RIN3: variants seen among roughly 807,000 people sequenced by gnomAD.
The protein encoded by RIN3 is Ras and Rab interactor 3.
Under a neutral mutation model 76.3 loss-of-function variants are expected in RIN3, and 54 were observed. The observed-to-expected ratio is 0.71, with a 90% CI of 0.57 to 0.89. The LOEUF (loss-of-function observed/expected upper bound fraction) is 0.89. Ranked by LOEUF, RIN3 falls within the 40% of genes least tolerant of loss-of-function variation. The pLI is 0.00. For missense variants in RIN3, 1,256 were observed against 1,322.1 expected (o/e 0.95, Z 0.78); for synonymous variants, 576 against 564.0 (o/e 1.02, Z -0.30).
rs1241184106 is a variant in RIN3, at chr14:92,514,459, G to C, written c.44+483G>C. ...CGTGGGGTCGGAGACCCGGACCCCCGCAACTTTGGGTGCCCGCGGCCCAAC... is the reference window on the plus strand; with the variant it reads ...CGTGGGGTCGGAGACCCGGACCCCCCCAACTTTGGGTGCCCGCGGCCCAAC... On this transcript the variant is annotated intron_variant, in intron 1 of 9. Transcript: ENST00000216487. This position sits in a 1 kb window ranked among gnomAD's most constrained non-coding sequence, Gnocchi z 7.2. 6.6e-6 allele frequency among the ~76,000 whole-genome samples: 1 copy of C among 152,222 alleles called. No homozygotes were observed. Among genetic ancestry groups the C allele is most frequent in the African/African-American group, 2.4e-5 (1 of 41,470 alleles).
At chr14:92,562,170 CT>C (rs1205194733) in intron 2 of RIN3, among the ~76,000 whole-genome samples, 1 of 152,208 alleles carries the variant, frequency 6.6e-6, no homozygotes, top group African/African-American at 2.4e-5. Context: ...TAGGACTTGT[CT>C]GATGGTTAGA....
chr14:92,596,453 C>T (rs75050774), intron 3 of RIN3, among the ~76,000 whole-genome samples: 3,940 of 152,264 alleles, frequency 0.026, 138 homozygotes, highest in African/African-American at 0.078. Context: ...GTAGATGCCA[C>T]GTGCAAGCTC....
At chr14:92,591,573 GA>G (rs1306701021) in intron 3 of RIN3, among the ~76,000 whole-genome samples, 5 of 151,932 alleles carry the variant, frequency 3.3e-5, no homozygotes, top group East Asian at 1.9e-4. Context: ...AAAAAGTCTT[GA>G]AAAAAAGCCA....
chr14:92,667,079 C>G (rs1283883787), intron 7 of RIN3, among the ~76,000 whole-genome samples: 1 of 152,014 alleles, frequency 6.6e-6, no homozygotes, highest in Non-Finnish European at 1.5e-5. Flanking sequence ...CAGGCAGGGG[C>G]AGCCGCAGAG....
At chr14:92,560,075 A>G (rs1217115778) in intron 2 of RIN3, among the ~76,000 whole-genome samples, 1 of 152,164 alleles carries the variant, frequency 6.6e-6, no homozygotes, top group Non-Finnish European at 1.5e-5. Flanking sequence ...GGCTTAGTTC[A>G]TTTTCAAGGT....
At chr14:92,666,017 A>G (rs1266001903) in intron 7 of RIN3, among the ~76,000 whole-genome samples, 2 of 147,452 alleles carry the variant, frequency 1.4e-5, no homozygotes, top group South Asian at 2.1e-4. Flanking sequence ...AGAGAGGCAG[A>G]CTCCAGCCCG....
chr14:92,522,155 C>T (rs927564456), intron 1 of RIN3, among the ~76,000 whole-genome samples: 6 of 152,078 alleles, frequency 3.9e-5, no homozygotes, highest in Non-Finnish European at 7.4e-5. Flanking sequence ...TTCTTCCGGG[C>T]AAGACACTGA....
chr14:92,597,335 C>G (rs1885185154), intron 3 of RIN3, among the ~76,000 whole-genome samples: 1 of 152,142 alleles, frequency 6.6e-6, no homozygotes, highest in Non-Finnish European at 1.5e-5. Context: ...CATGGGATGA[C>G]CTTTGAAATC....
At chr14:92,668,251 C>G (rs1888177509) in intron 7 of RIN3, among the ~76,000 whole-genome samples, 1 of 152,208 alleles carries the variant, frequency 6.6e-6, no homozygotes, top group South Asian at 2.1e-4. Flanking sequence ...TGCTGAAACC[C>G]AGGGCCCTCT....
chr14:92,660,340 T>C (rs1259107135), intron 7 of RIN3, among the ~76,000 whole-genome samples: 2 of 152,116 alleles, frequency 1.3e-5, no homozygotes, highest in Non-Finnish European at 2.9e-5. Context: ...GGTTGGCTGT[T>C]GGCTGCTCTG....
chr14:92,580,281 A>C (rs1056796274), intron 3 of RIN3, among the ~76,000 whole-genome samples: 28 of 152,222 alleles, frequency 1.8e-4, no homozygotes, highest in African/African-American at 6.0e-4. Context: ...AGGCAGAATT[A>C]CTTGAACCTG....
At chr14:92,596,927 C>T (rs911738569) in intron 3 of RIN3, among the ~76,000 whole-genome samples, 8 of 152,202 alleles carry the variant, frequency 5.3e-5, no homozygotes, top group African/African-American at 1.9e-4. Flanking sequence ...AATCTCTTCC[C>T]AACTTGGTGG....
At chr14:92,534,409 G>A (rs1345001434) in intron 1 of RIN3, among the ~76,000 whole-genome samples, 16 of 151,608 alleles carry the variant, frequency 1.1e-4, no homozygotes, top group East Asian at 3.9e-4. Context: ...GTGAAACCCC[G>A]TCTCTACTAA....
chr14:92,653,601 C>G (rs893468541), intron 6 of RIN3, among the ~76,000 whole-genome samples: 6 of 152,204 alleles, frequency 3.9e-5, no homozygotes, highest in African/African-American at 1.4e-4. Context: ...TCTGACCACC[C>G]CTTCTAAAGT....
chr14:92,597,462 G>T (rs572360020), intron 3 of RIN3, among the ~76,000 whole-genome samples: 1 of 152,198 alleles, frequency 6.6e-6, no homozygotes, highest in Non-Finnish European at 1.5e-5. Context: ...AACGCCAGTG[G>T]CAGTGGCTGT....
chr14:92,605,315 C>T (rs1458132215), intron 3 of RIN3, among the ~76,000 whole-genome samples: 1 of 152,174 alleles, frequency 6.6e-6, no homozygotes, highest in Admixed American at 6.6e-5. Flanking sequence ...TGACCAAGCC[C>T]TTCAAATGGG....
Position 92,643,058 on chromosome 14 carries a change from ACT to A in RIN3, c.532+1732_532+1733del, listed in dbSNP as rs1887075723. Reference sequence around the variant, plus strand: ...TGCCATCGTCTCATGGTGCCTCTTAACTCTTTTTTTTTTGAGATGGAGTCTCA... The same window carrying A: ...TGCCATCGTCTCATGGTGCCTCTTAACTTTTTTTTTTGAGATGGAGTCTCA... On this transcript the variant is annotated intron_variant, in intron 5 of 9. Coordinates refer to ENST00000216487, the MANE Select transcript of RIN3 (RefSeq NM_024832.5). The surrounding 1 kb of genome is among the most constrained non-coding windows in gnomAD (Gnocchi z 4.8). Among the ~76,000 whole-genome samples the A allele has an allele frequency of 6.7e-6, 1 of 150,280 alleles. No individual in the cohort carries two copies. Among genetic ancestry groups the A allele is most frequent in the Non-Finnish European group, 1.5e-5 (1 of 67,628 alleles).
At chr14:92,573,502 A>AG (rs72530967) in intron 2 of RIN3, among the ~76,000 whole-genome samples, 152,316 of 152,362 alleles carry the variant, frequency 1, 76,135 homozygotes, top group Middle Eastern at 1. Flanking sequence ...GGGGGGCCGA[A>AG]GTTCCAACCC....
chr14:92,673,911 C>G (rs1442386995), intron 7 of RIN3, among the ~76,000 whole-genome samples: 1 of 152,204 alleles, frequency 6.6e-6, no homozygotes, highest in Non-Finnish European at 1.5e-5. Context: ...GGCCCACATA[C>G]GTTTGTGACG....
Sources: gnomAD v4.1 joint callset for allele counts (sites outside exome capture counted in the v4.1 genomes callset) on GRCh38, gnomAD v4.1.1 for gene constraint, Gnocchi (gnomAD v3.1) non-coding constraint, MANE v1.5 for transcripts, NCBI Gene and HGNC (gene_info 2026-07-23, HGNC 2026-07-21) for gene names.